The following DGKI variants were observed in gnomAD, a reference collection of about 807,000 sequenced individuals.
DGKI encodes the protein diacylglycerol kinase iota.
DGKI carries 55 observed loss-of-function variants against 147.5 expected under a neutral mutation model. The observed-to-expected ratio is 0.37, with a 90% CI of 0.30 to 0.47. The LOEUF (loss-of-function observed/expected upper bound fraction) is 0.47. Ranked by LOEUF, DGKI falls within the 20% of genes least tolerant of loss-of-function variation. The pLI is 1.00. For missense variants in DGKI, 1,007 were observed against 1,323.8 expected, an observed-to-expected ratio of 0.76 and a Z score of 3.71; for synonymous variants, 469 against 477.1, an observed-to-expected ratio of 0.98 and a Z score of 0.22.
intron 20 of DGKI, among the ~76,000 whole-genome samples, chr7:137,531,807 C>T (rs1817348047): frequency 6.6e-6 from 1 of 152,136 alleles, no homozygotes; most frequent in South Asian, 2.1e-4. Context: ...TTAAAAATGT[C>T]ATTTCACAGA....
At chr7:137,644,709 T>C (rs73444503) in intron 6 of DGKI, among the ~76,000 whole-genome samples, 7,141 of 152,288 alleles carry the variant, frequency 0.047, 542 homozygotes, top group African/African-American at 0.16. Flanking sequence ...TTACTATTAA[T>C]GTCATTTAAA....
intron 9 of DGKI, 133 bp downstream of exon 9, chr7:137,609,402 G>T: frequency 1.5e-6 from 1 of 677,460 alleles, no homozygotes; most frequent in Non-Finnish European, 2.5e-6. Flanking sequence ...TCCTATTGTG[G>T]TTAGAGTGTA....
In DGKI at chr7:137,715,433, C is replaced by T. The variant is rs1383528436; in HGVS notation, c.402-25431G>A. Among the ~76,000 whole-genome samples, 4 of 152,196 alleles carry T rather than the reference C, an allele frequency of 2.6e-5. No homozygotes were observed. The East Asian group carries it at 7.7e-4, about 29-fold the overall frequency. ...AGAAATGCTGGCCAAAACAATGTGT[C>T]AGTCTGATGGTGGAGCAGGGTGGAA... On this transcript the variant is annotated intron_variant, in intron 1 of 32. Transcript: ENST00000614521.
chr7:137,705,654 C>T (rs1793996267), intron 1 of DGKI, among the ~76,000 whole-genome samples: 1 of 151,958 alleles, frequency 6.6e-6, no homozygotes, highest in Admixed American at 6.6e-5. Flanking sequence ...ATAGATTATA[C>T]AACTGTACAC....
At chr7:137,547,297 G>T (rs1366767867) in intron 20 of DGKI, among the ~76,000 whole-genome samples, 2 of 152,162 alleles carry the variant, frequency 1.3e-5, no homozygotes, top group Non-Finnish European at 2.9e-5. Context: ...GAACACAGTG[G>T]GACCTAGCTT....
At chr7:137,753,979 G>A (rs555474362) in intron 1 of DGKI, among the ~76,000 whole-genome samples, 17 of 152,226 alleles carry the variant, frequency 1.1e-4, no homozygotes, top group African/African-American at 3.9e-4. Context: ...GAGGAGGAGC[G>A]TGGAGGGGGA....
At chr7:137,449,095 T>G (rs1813846154) in intron 27 of DGKI, among the ~76,000 whole-genome samples, 1 of 152,190 alleles carries the variant, frequency 6.6e-6, no homozygotes, top group Non-Finnish European at 1.5e-5. Flanking sequence ...ACGTAATTCC[T>G]ATAAAAATAC....
intron 30 of DGKI, among the ~76,000 whole-genome samples, chr7:137,400,695 G>A (rs1046658984): frequency 6.6e-6 from 1 of 152,164 alleles, no homozygotes; most frequent in South Asian, 2.1e-4. Context: ...GCTGACAGAG[G>A]TGAGAGGCAG....
At chr7:137,659,300 T>C (rs1335639967) in intron 3 of DGKI, among the ~76,000 whole-genome samples, 4 of 152,338 alleles carry the variant, frequency 2.6e-5, no homozygotes, top group African/African-American at 7.2e-5. Context: ...GAAAAGTAAA[T>C]AGATTTTTAG....
At chr7:137,723,014 C>T (rs918213077) in intron 1 of DGKI, among the ~76,000 whole-genome samples, 14 of 152,168 alleles carry the variant, frequency 9.2e-5, no homozygotes, top group Non-Finnish European at 1.8e-4. Flanking sequence ...TTTTCCCCAT[C>T]TGTAAAATGG....
chr7:137,495,495 G>T (rs143983396), intron 21 of DGKI, among the ~76,000 whole-genome samples: 4,798 of 108,846 alleles, frequency 0.044, 325 homozygotes, highest in African/African-American at 0.18. Flanking sequence ...CCAAAACCTG[G>T]CAGAGACAAA....
At chr7:137,744,053 A>G (rs904163762) in intron 1 of DGKI, among the ~76,000 whole-genome samples, 2 of 152,082 alleles carry the variant, frequency 1.3e-5, no homozygotes, top group African/African-American at 2.4e-5. Flanking sequence ...GCAGAGTAGA[A>G]CTAAATGATA....
chr7:137,696,869 C>G (rs1290103906), intron 1 of DGKI, among the ~76,000 whole-genome samples: 3 of 152,078 alleles, frequency 2.0e-5, no homozygotes, highest in Non-Finnish European at 4.4e-5. Context: ...GTCATTAGGA[C>G]AGGCCCCTAA....
rs1811210512 is a variant in DGKI at position 137,387,524 on chromosome 7, G to A, written c.*3696C>T. 2 of 152,118 alleles carry A rather than the reference G, an allele frequency of 1.3e-5. No individual in the cohort carries two copies. Among genetic ancestry groups the A allele is most frequent in the Admixed American group, 1.3e-4 (2 of 15,262 alleles). The allele number at this position is 152,118 out of a possible 1,614,324, so 9.4% of individuals were successfully genotyped here. A position where few individuals can be genotyped will look rare whatever the true frequency, so the allele number is the denominator to read the frequency against. ...AACCTATGCAATATACATGAATATA[G>A]TATACATACTTGCATGTGTATATAA... is the stretch of plus-strand genomic sequence containing the variant. On this transcript the variant is annotated 3_prime_UTR_variant, in exon 33 of 33. Coordinates refer to ENST00000614521, the MANE Select transcript of DGKI (RefSeq NM_001321708.2).
At chr7:137,509,802 G>GAAC (rs1174708048) in intron 21 of DGKI, among the ~76,000 whole-genome samples, 1 of 152,080 alleles carries the variant, frequency 6.6e-6, no homozygotes, top group East Asian at 1.9e-4. Context: ...GAATGAAAGG[G>GAAC]AACACTACAC....
At chr7:137,494,291 G>A (rs1037912516) in intron 21 of DGKI, among the ~76,000 whole-genome samples, 4 of 152,066 alleles carry the variant, frequency 2.6e-5, no homozygotes, top group Non-Finnish European at 5.9e-5. Flanking sequence ...TGGTAGAGAG[G>A]CCAACGTTCA....
chr7:137,624,607 T>A (rs749973824), intron 6 of DGKI, among the ~76,000 whole-genome samples: 2 of 151,784 alleles, frequency 1.3e-5, no homozygotes, highest in Non-Finnish European at 2.9e-5. Flanking sequence ...CTCGTTTTTG[T>A]TTTTGTTTTT....
intron 1 of DGKI, among the ~76,000 whole-genome samples, chr7:137,701,865 T>G (rs1823996172): frequency 6.6e-6 from 1 of 151,928 alleles, no homozygotes; most frequent in African/African-American, 2.4e-5. Flanking sequence ...ATAACCTCGA[T>G]AAAAAAGAAA....
chr7:137,833,589 C>T (rs1341176661), intron 1 of DGKI, among the ~76,000 whole-genome samples: 1 of 152,182 alleles, frequency 6.6e-6, no homozygotes, highest in Non-Finnish European at 1.5e-5. Flanking sequence ...CATATCACAA[C>T]CTATGCTTTG....
Sources: gnomAD v4.1 joint callset for allele counts (sites outside exome capture counted in the v4.1 genomes callset) on GRCh38, gnomAD v4.1.1 for gene constraint, MANE v1.5 for transcripts, NCBI Gene and HGNC (gene_info 2026-07-23, HGNC 2026-07-21) for gene names.